Variants in GLG1 observed in about 807,000 individuals in gnomAD.
GLG1 encodes golgi glycoprotein 1.
A neutral mutation model predicts 160.5 loss-of-function variants in GLG1; 38 were observed. The ratio of observed to expected loss-of-function variants is 0.24; its 90% CI spans 0.18 to 0.31. The LOEUF is 0.31. Among genes scored for constraint, GLG1 ranks in the 10% least tolerant of loss-of-function variants. The pLI is 1.00. For synonymous variants in GLG1, 644 were observed against 543.4 expected (o/e 1.19, Z -2.57); for missense variants, 1,373 against 1,505.2 (o/e 0.91, Z 1.45).
At chr16:74,586,988 C>T (rs1395619175) in intron 1 of GLG1, among the ~76,000 whole-genome samples, 3 of 103,992 alleles carry the variant, frequency 2.9e-5, no homozygotes, top group Non-Finnish European at 5.6e-5. Context: ...AGCCACCGCA[C>T]CTGGCCTCAT....
intron 1 of GLG1, among the ~76,000 whole-genome samples, chr16:74,580,216 G>T (rs1251658295): frequency 2.0e-5 from 3 of 152,096 alleles, no homozygotes; most frequent in Non-Finnish European, 4.4e-5. Flanking sequence ...CTGTGCAGTG[G>T]TTTATACCTG....
At chr16:74,518,565 G>T (rs986672742) in intron 2 of GLG1, among the ~76,000 whole-genome samples, 1 of 152,050 alleles carries the variant, frequency 6.6e-6, no homozygotes, top group Non-Finnish European at 1.5e-5. Flanking sequence ...TGGATCAAAG[G>T]CTTAAACGTA....
At position 74,451,600 on chromosome 16, in the gene GLG1, T is replaced by C. The variant is rs1380897902; in HGVS notation, c.*1567A>G. On this transcript the variant is annotated 3_prime_UTR_variant, in exon 26 of 26. Coordinates refer to ENST00000422840, the MANE Select transcript of GLG1 (RefSeq NM_001145667.2). ...CGCCGAGGGCAGGCCTTGGTCTACA[T>C]GGACAGTTTTAGGCACGTGATTTAT... 4 of 175,836 alleles carry C rather than the reference T, an allele frequency of 2.3e-5. No homozygotes were observed. In the South Asian group the frequency reaches 4.0e-4, roughly 18 times the overall value. 10.9% of individuals were successfully genotyped at this position (175,836 alleles called of 1,614,324 possible). A position where few individuals can be genotyped will look rare whatever the true frequency, so the allele number is the denominator to read the frequency against.
intron 1 of GLG1, among the ~76,000 whole-genome samples, chr16:74,568,775 A>G (rs1288592285): frequency 6.6e-6 from 1 of 152,232 alleles, no homozygotes; most frequent in Non-Finnish European, 1.5e-5. Flanking sequence ...AATCAGGTGC[A>G]CATGCAAAGT....
intron 2 of GLG1, among the ~76,000 whole-genome samples, chr16:74,521,375 A>C (rs1423503907): frequency 1.3e-5 from 2 of 152,150 alleles, no homozygotes; most frequent in Non-Finnish European, 2.9e-5. Flanking sequence ...CAGGAGGGAG[A>C]CTGCTTAGGA....
At chr16:74,567,564 T>G (rs937974585) in intron 1 of GLG1, among the ~76,000 whole-genome samples, 139 of 135,810 alleles carry the variant, frequency 1.0e-3, no homozygotes, top group Non-Finnish European at 1.8e-3. Flanking sequence ...CTTTTTTTTT[T>G]TTTTTTTTTT....
chr16:74,535,778 G>A (rs2017670863), intron 1 of GLG1, among the ~76,000 whole-genome samples: 1 of 152,146 alleles, frequency 6.6e-6, no homozygotes, highest in Admixed American at 6.5e-5. Context: ...AAAGATGACA[G>A]AATAGGAATG....
At chr16:74,524,573 T>C (rs763446926) in intron 2 of GLG1, among the ~76,000 whole-genome samples, 6 of 152,104 alleles carry the variant, frequency 3.9e-5, no homozygotes, top group Non-Finnish European at 2.9e-5. Context: ...TTTAGAGTAT[T>C]TACTGAAATA....
intron 12 of GLG1, among the ~76,000 whole-genome samples, chr16:74,475,803 GGAA>G (rs983794611): frequency 3.3e-5 from 5 of 152,194 alleles, no homozygotes; most frequent in African/African-American, 4.8e-5. Flanking sequence ...CAGCCAGAAT[GGAA>G]GAAGAAGAAG....
At chr16:74,463,876 C>T in intron 19 of GLG1, 1 of 169,080 alleles carries the variant, frequency 5.9e-6, no homozygotes, top group Non-Finnish European at 1.3e-5. Context: ...CGCCTGGCCA[C>T]TTTTTTTTTT....
In GLG1 at chr16:74,466,282, G is replaced by C. The variant is rs144925444; in HGVS notation, c.2530-469C>G. On this transcript the variant is annotated intron_variant, in intron 18 of 25. Transcript: ENST00000422840. ...GCCTGATAAATTCACAGCTACACAG[G>C]GCAAACTTATGTAAACAAGTAACTA... 8.5e-5 allele frequency among the ~76,000 whole-genome samples: 13 copies of C among 152,136 alleles called. No homozygotes were observed. In the East Asian group the frequency reaches 2.3e-3, roughly 27 times the overall value.
intron 1 of GLG1, among the ~76,000 whole-genome samples, chr16:74,575,006 CGGGGGG>C (rs765772462): frequency 0.023 from 87 of 3,748 alleles, 30 homozygotes; most frequent in East Asian, 0.09. Flanking sequence ...TTTGGGAGGC[CGGGGGG>C]GGGGGGGGGG....
intron 1 of GLG1, among the ~76,000 whole-genome samples, chr16:74,569,229 G>A (rs1400497858): frequency 6.6e-6 from 1 of 152,224 alleles, no homozygotes; most frequent in Non-Finnish European, 1.5e-5. Flanking sequence ...CTCGAACTGT[G>A]AGAATGATGT....
intron 1 of GLG1, among the ~76,000 whole-genome samples, chr16:74,601,322 T>C (rs987098003): frequency 6.6e-6 from 1 of 151,822 alleles, no homozygotes; most frequent in African/African-American, 2.4e-5. Context: ...TGGCTCCGCC[T>C]GTAACCTCAG....
intron 2 of GLG1, among the ~76,000 whole-genome samples, chr16:74,528,523 G>A (rs183834386): frequency 8.6e-5 from 13 of 151,964 alleles, no homozygotes; most frequent in African/African-American, 3.1e-4. Flanking sequence ...TGTTAATAAT[G>A]TGTCTAGGCT....
intron 2 of GLG1, among the ~76,000 whole-genome samples, chr16:74,519,355 G>A (rs1230815551): frequency 1.3e-5 from 2 of 151,832 alleles, no homozygotes; most frequent in African/African-American, 4.8e-5. Flanking sequence ...GCTAGGGGAG[G>A]GATAACATTA....
chr16:74,486,392 A>C (rs537706205), intron 8 of GLG1, among the ~76,000 whole-genome samples: 287 of 152,346 alleles, frequency 1.9e-3, no homozygotes, highest in African/African-American at 6.5e-3. Flanking sequence ...CTTTATTAAA[A>C]GCAGATGTGC....
intron 5 of GLG1, among the ~76,000 whole-genome samples, chr16:74,495,596 T>C (rs182772865): frequency 6.6e-6 from 1 of 152,324 alleles, no homozygotes; most frequent in East Asian, 1.9e-4. Flanking sequence ...GGCTGTTCTG[T>C]AGAGTCAGCA....
At chr16:74,600,847 C>T (rs748828254) in intron 1 of GLG1, among the ~76,000 whole-genome samples, 6 of 151,914 alleles carry the variant, frequency 3.9e-5, no homozygotes, top group East Asian at 1.9e-4. Context: ...TTACACTGCC[C>T]TAAAATAATT....
Sources: gnomAD v4.1 joint callset for allele counts (sites outside exome capture counted in the v4.1 genomes callset) on GRCh38, gnomAD v4.1.1 for gene constraint, MANE v1.5 for transcripts, NCBI Gene and HGNC (gene_info 2026-07-23, HGNC 2026-07-21) for gene names.